Variants in MCM2 observed in about 807,000 individuals in gnomAD.
MCM2 encodes DNA replication licensing factor MCM2.
Under a neutral mutation model 86.4 loss-of-function variants are expected in MCM2, and 49 were observed. The observed-to-expected ratio is 0.57, with a 90% CI of 0.45 to 0.72. MCM2 has a LOEUF of 0.72. MCM2 is among the 30% of genes least tolerant of loss of function. MCM2 has a pLI of 0.00. For synonymous variants in MCM2, 475 were observed against 484.6 expected (o/e 0.98, Z 0.26); for missense variants, 1,038 against 1,259.9 (o/e 0.82, Z 2.67).
At chr3:127,608,608 G>A (rs558448075) in intron 7 of MCM2, 92 bp downstream of exon 7, 296 of 1,515,020 alleles carry the variant, frequency 2.0e-4, no homozygotes, top group Non-Finnish European at 2.5e-4. Context: ...GTCTATGGTC[G>A]CAGGGGCACT....
In MCM2 at chr3:127,606,723, T is replaced by A; in HGVS notation, c.1007T>A (p.Leu336Gln). Residue 336 changes from leucine to glutamine, a missense_variant, in exon 6 of 16, where the codon CTG (leucine) becomes CAG (glutamine). Transcript: ENST00000265056. The surrounding 1 kb of genome is among the most constrained non-coding windows in gnomAD (Gnocchi z 4.2). ...KYNCNKCNFV[L>Q]GPFCQSQNQE... ...AACTGCAACAAGTGCAATTTCGTCC[T>A]GGGTCCTTTCTGCCAGTCCCAGAAC... 1 of 1,614,252 alleles carries A rather than the reference T, an allele frequency of 6.2e-7. No homozygotes were observed. Among genetic ancestry groups the A allele is most frequent in the Non-Finnish European group, 8.5e-7 (1 of 1,180,044 alleles).
At chr3:127,621,572 A>G in intron 15 of MCM2, 91 bp from the exon 16 acceptor site, 1 of 787,992 alleles carries the variant, frequency 1.3e-6, no homozygotes, top group Non-Finnish European at 2.2e-6. Flanking sequence ...AATGGAGGTG[A>G]TGGTGTCTGA....
At chr3:127,619,347 T>C (rs1318048237) in intron 13 of MCM2, 69 bp downstream of exon 13, 17 of 1,552,236 alleles carry the variant, frequency 1.1e-5, no homozygotes, top group Admixed American at 7.3e-5. Flanking sequence ...TTCTGACCAA[T>C]GCAGCGGGGG....
chr3:127,621,168 C>T lies in MCM2; in HGVS notation c.2544C>T (p.Arg848=), dbSNP rs777338827. ...TGGCAGAGCAGGTGACATATCAGCGCAACCGCTTTGGGGCCCAGCAGGACA... is the reference window on the plus strand; with the variant it reads ...TGGCAGAGCAGGTGACATATCAGCGTAACCGCTTTGGGGCCCAGCAGGACA... ...QLVAEQVTYQ[R]NRFGAQQDTI... The change falls in exon 15 of 16, where the codon CGC becomes CGT. Residue 848 remains arginine, a synonymous_variant. Coordinates refer to ENST00000265056, the MANE Select transcript of MCM2 (RefSeq NM_004526.4). The T allele has an allele frequency of 2.5e-6, 4 of 1,614,194 alleles. No individual in the cohort carries two copies. The highest frequency in any genetic ancestry group is 3.4e-6 in the Non-Finnish European group (4 of 1,180,046).
intron 8 of MCM2, among the ~76,000 whole-genome samples, chr3:127,612,682 G>T (rs746921700): frequency 1.2e-4 from 19 of 152,186 alleles, no homozygotes; most frequent in Non-Finnish European, 2.4e-4. Context: ...ACCCATGCAG[G>T]TGGGTGCTTT....
chr3:127,609,466 G>T (rs545810244), intron 8 of MCM2, among the ~76,000 whole-genome samples: 1 of 152,210 alleles, frequency 6.6e-6, no homozygotes, highest in East Asian at 1.9e-4. Flanking sequence ...AACCCAGAAT[G>T]GTGGTGTTTT....
chr3:127,616,158 G>A (rs1050830119), intron 9 of MCM2, among the ~76,000 whole-genome samples: 10 of 152,186 alleles, frequency 6.6e-5, no homozygotes, highest in African/African-American at 2.4e-4. Context: ...TGTTGGTCAG[G>A]GAGCCAGTGT....
rs762843527 is a variant in MCM2 at position 127,617,016 on chromosome 3, G to A, written c.1671G>A (p.Thr557=). ...TGQGASAVGL[T]AYVQRHPVSR... is the part of the protein sequence containing the mutation. ...AGGGGGCGTCGGCTGTGGGCCTCAC[G>A]GCGTATGTCCAGCGGCACCCTGTCA... Residue 557 remains threonine (T), a synonymous_variant, in exon 10 of 16, where the codon ACG becomes ACA. Transcript: ENST00000265056. This position sits in a 1 kb window ranked among gnomAD's most constrained non-coding sequence, Gnocchi z 4.1. 74 of 1,614,092 alleles carry A rather than the reference G, an allele frequency of 4.6e-5. No homozygotes were observed. In the East Asian group the frequency reaches 9.6e-4, roughly 21 times the overall value.
At chr3:127,608,159 G>A (rs149281500) in intron 6 of MCM2, among the ~76,000 whole-genome samples, 5 of 152,218 alleles carry the variant, frequency 3.3e-5, no homozygotes, top group Non-Finnish European at 5.9e-5. Context: ...CATAGAGCAG[G>A]TGCTGAGTCT....
chr3:127,621,784 C>T lies in MCM2; in HGVS notation c.*11C>T, dbSNP rs758451330. 1.2e-6 allele frequency: 2 copies of T among 1,604,778 alleles called. No homozygotes were observed. Among genetic ancestry groups the T allele is most frequent in the Middle Eastern group, 1.7e-4 (1 of 6,046 alleles). On this transcript the variant is annotated 3_prime_UTR_variant, in exon 16 of 16. Transcript: ENST00000265056. ...CTGCAGCAGTTCTGAGGCCCTATGCCATCCATAAGGATTCCTTGGGATTCT... is the reference window on the plus strand; with the variant it reads ...CTGCAGCAGTTCTGAGGCCCTATGCTATCCATAAGGATTCCTTGGGATTCT...
chr3:127,609,909 A>G (rs1703228207), intron 8 of MCM2, among the ~76,000 whole-genome samples: 1 of 122,306 alleles, frequency 8.2e-6, no homozygotes, highest in African/African-American at 3.2e-5. Context: ...CAGTGGCATG[A>G]TCTCAGCTCA....
intron 8 of MCM2, among the ~76,000 whole-genome samples, chr3:127,611,193 T>C (rs1034017535): frequency 6.6e-6 from 1 of 152,226 alleles, no homozygotes; most frequent in African/African-American, 2.4e-5. Flanking sequence ...TTGCAGAATT[T>C]CATCCAGATG....
At chr3:127,598,861 T>C in intron 1 of MCM2, 1 of 364,530 alleles carries the variant, frequency 2.7e-6, no homozygotes, top group Non-Finnish European at 5.0e-6. Context: ...ATTACCTTCT[T>C]GTCCCTTTGT....
chr3:127,600,982 C>G (rs558377784), intron 2 of MCM2, among the ~76,000 whole-genome samples: 1 of 152,210 alleles, frequency 6.6e-6, no homozygotes, highest in East Asian at 1.9e-4. Flanking sequence ...GTTATGCAGC[C>G]TTCACCACAA....
chr3:127,599,001 A>G (rs1576409696), intron 1 of MCM2: 2 of 464,232 alleles, frequency 4.3e-6, no homozygotes, highest in East Asian at 8.0e-5. Flanking sequence ...GGGAGATAAT[A>G]GACAGTAAAC....
At chr3:127,604,428 G>T (rs1237562047) in intron 2 of MCM2, 180 bp from the exon 3 acceptor site, 3 of 618,428 alleles carry the variant, frequency 4.9e-6, no homozygotes, top group African/African-American at 1.8e-5. Flanking sequence ...TGGACAGATC[G>T]TGTTTTGTTC....
chr3:127,598,908 C>A (rs1259747128), intron 1 of MCM2: 2 of 338,354 alleles, frequency 5.9e-6, no homozygotes, highest in Non-Finnish European at 1.1e-5. Flanking sequence ...AGTTCCAGAC[C>A]TCTTGTTTTG....
In MCM2 at chr3:127,605,082, A is replaced by G; in HGVS notation, c.599A>G (p.Lys200Arg). ...CGGCTGGAGATCCACCACCGCTTCA[A>G]GAACTTCCTGCGCACTCACGTCGAC... is the stretch of plus-strand genomic sequence containing the variant. ...GPRLEIHHRF[K>R]NFLRTHVDSH... is the part of the protein sequence containing the mutation. Residue 200 changes from lysine to arginine, a missense_variant, in exon 4 of 16, where the codon AAG becomes AGG. Lys to Arg is a conservative substitution (Grantham distance 26). Coordinates refer to ENST00000265056, the MANE Select transcript of MCM2 (RefSeq NM_004526.4). 1.2e-6 allele frequency: 2 copies of G among 1,614,072 alleles called. No individual in the cohort carries two copies. Among genetic ancestry groups the G allele is most frequent in the Non-Finnish European group, 1.7e-6 (2 of 1,180,030 alleles).
chr3:127,604,277 G>C, intron 2 of MCM2: 1 of 243,262 alleles, frequency 4.1e-6, no homozygotes, highest in Non-Finnish European at 7.9e-6. Flanking sequence ...CTGTGAATTT[G>C]ACCGCTCAGT....
Sources: allele counts gnomAD v4.1 joint callset (sites outside exome capture counted in the v4.1 genomes callset), GRCh38; gene constraint gnomAD v4.1.1; non-coding constraint Gnocchi (gnomAD v3.1); transcripts MANE v1.5; gene names NCBI Gene and HGNC (gene_info 2026-07-23, HGNC 2026-07-21).